The following AGBL1 variants were observed in gnomAD, a reference collection of about 807,000 sequenced individuals.
AGBL1 encodes AGBL carboxypeptidase 1, also known as cytosolic carboxypeptidase 4.
AGBL1 carries 130 observed loss-of-function variants against 118.9 expected under a neutral mutation model. The ratio of observed to expected loss-of-function variants is 1.09; its 90% CI spans 0.95 to 1.26. AGBL1 has a LOEUF of 1.26. Ranked by LOEUF, AGBL1 falls within the 50% of genes most tolerant of loss-of-function variation. The pLI, the probability that AGBL1 is intolerant of heterozygous loss-of-function variation, is 0.00. For synonymous variants in AGBL1, 555 were observed against 478.9 expected (o/e 1.16, Z -2.08); for missense variants, 1,584 against 1,298.1 (o/e 1.22, Z -3.38).
rs28415059 is a variant in AGBL1, at chr15:86,131,424, G to T, written c.52-10580G>T. Among the ~76,000 whole-genome samples, 395 of 152,014 alleles carry T rather than the reference G, an allele frequency of 2.6e-3. 2 individuals are homozygous for T. Among genetic ancestry groups the T allele is most frequent in the African/African-American group, 9.0e-3 (373 of 41,472 alleles). ...TTTCCACTAAATAAATACTAATTTG[G>T]CTATTTTACAATGTCCTATTTTTTT... On this transcript the variant is annotated intron_variant, in intron 1 of 22. Transcript: ENST00000614907.
At chr15:86,118,831 C>T (rs1430986374) in intron 1 of AGBL1, among the ~76,000 whole-genome samples, 1 of 152,218 alleles carries the variant, frequency 6.6e-6, no homozygotes, top group Non-Finnish European at 1.5e-5. Flanking sequence ...GTCAATTTCT[C>T]GTCTATTGTG....
chr15:86,163,239 C>A (rs747456295), intron 5 of AGBL1, among the ~76,000 whole-genome samples: 1 of 152,174 alleles, frequency 6.6e-6, no homozygotes. Context: ...GAGTTTGCGA[C>A]CAGCTTGGGC....
chr15:86,540,421 C>G (rs2083478290), intron 19 of AGBL1, among the ~76,000 whole-genome samples: 1 of 152,190 alleles, frequency 6.6e-6, no homozygotes, highest in African/African-American at 2.4e-5. Flanking sequence ...TGGCAAAATG[C>G]TGTCTCTACT....
intron 5 of AGBL1, among the ~76,000 whole-genome samples, chr15:86,204,012 C>T (rs1167898815): frequency 6.6e-6 from 1 of 152,140 alleles, no homozygotes; most frequent in African/African-American, 2.4e-5. Context: ...CTTTACATGA[C>T]ACTCCTAGAT....
At chr15:86,925,317 G>A (rs1234703049) in intron 23 of AGBL1, among the ~76,000 whole-genome samples, 1 of 152,092 alleles carries the variant, frequency 6.6e-6, no homozygotes, top group East Asian at 1.9e-4. Context: ...CTAATAATTT[G>A]CATCTCTTAG....
intron 22 of AGBL1, among the ~76,000 whole-genome samples, chr15:86,838,941 TAA>T (rs386383698): frequency 5.8e-4 from 28 of 48,002 alleles, no homozygotes; most frequent in African/African-American, 2.2e-3. Context: ...TGAGATCCTG[TAA>T]AAAAAAAAAA....
chr15:87,027,411 A>G (rs930656516), intron 24 of AGBL1, among the ~76,000 whole-genome samples: 2 of 151,836 alleles, frequency 1.3e-5, no homozygotes, highest in African/African-American at 2.4e-5. Flanking sequence ...CATTTGACCG[A>G]GCAATCTCAT....
chr15:86,840,093 A>G (rs544490624), intron 22 of AGBL1, among the ~76,000 whole-genome samples: 1 of 152,320 alleles, frequency 6.6e-6, no homozygotes, highest in African/African-American at 2.4e-5. Flanking sequence ...TATGCACAGT[A>G]TCTGTCAATA....
intron 3 of AGBL1, among the ~76,000 whole-genome samples, chr15:86,148,821 A>G (rs137856965): frequency 0.019 from 2,910 of 152,272 alleles, 43 homozygotes; most frequent in Non-Finnish European, 0.031. Flanking sequence ...AAGACACATA[A>G]TTGTCAGATT....
intron 17 of AGBL1, among the ~76,000 whole-genome samples, chr15:86,309,638 C>G (rs2079890916): frequency 1.3e-5 from 2 of 152,098 alleles, no homozygotes; most frequent in Non-Finnish European, 2.9e-5. Context: ...AATTTTATGG[C>G]ATTTTATGCA....
chr15:86,743,720 T>C (rs1391137730), intron 22 of AGBL1, among the ~76,000 whole-genome samples: 1 of 152,066 alleles, frequency 6.6e-6, no homozygotes, highest in Non-Finnish European at 1.5e-5. Flanking sequence ...ATGCGGATGA[T>C]CCCTGAAAAA....
At chr15:86,860,485 C>G (rs1334449578) in intron 22 of AGBL1, among the ~76,000 whole-genome samples, 1 of 151,708 alleles carries the variant, frequency 6.6e-6, no homozygotes, top group African/African-American at 2.4e-5. Context: ...TTCCTACCAG[C>G]TGAGAAGTGA....
intron 6 of AGBL1, among the ~76,000 whole-genome samples, chr15:86,231,706 G>A (rs922662722): frequency 6.6e-6 from 1 of 152,218 alleles, no homozygotes; most frequent in Non-Finnish European, 1.5e-5. Flanking sequence ...TTGGAAAGCT[G>A]AAGTAACTCA....
chr15:86,358,619 T>C (rs2080757390), intron 17 of AGBL1, among the ~76,000 whole-genome samples: 1 of 152,070 alleles, frequency 6.6e-6, no homozygotes, highest in Admixed American at 6.6e-5. Context: ...TTTTGCATAA[T>C]GGCTTTACCA....
intron 23 of AGBL1, among the ~76,000 whole-genome samples, chr15:86,936,395 A>T (rs946136747): frequency 2.6e-5 from 4 of 152,178 alleles, no homozygotes; most frequent in Non-Finnish European, 5.9e-5. Context: ...ACTGGCCATT[A>T]TCTGGTGTAT....
intron 21 of AGBL1, among the ~76,000 whole-genome samples, chr15:86,578,659 G>T (rs1054087237): frequency 6.6e-6 from 1 of 152,160 alleles, no homozygotes; most frequent in Non-Finnish European, 1.5e-5. Context: ...AATTGTGGGG[G>T]CAGGTTTTCC....
At chr15:86,285,596 C>T (rs1051802585) in intron 16 of AGBL1, among the ~76,000 whole-genome samples, 23 of 152,080 alleles carry the variant, frequency 1.5e-4, no homozygotes, top group Non-Finnish European at 2.5e-4. Context: ...TCTCCAGCCA[C>T]GTGGAACTGT....
intron 23 of AGBL1, among the ~76,000 whole-genome samples, chr15:86,933,810 A>T (rs1210806094): frequency 6.6e-6 from 1 of 152,212 alleles, no homozygotes; most frequent in Non-Finnish European, 1.5e-5. Context: ...GTCTTATGCA[A>T]TGCATATAAC....
intron 18 of AGBL1, among the ~76,000 whole-genome samples, chr15:86,429,568 T>C (rs912599315): frequency 6.6e-6 from 1 of 152,228 alleles, no homozygotes; most frequent in Non-Finnish European, 1.5e-5. Flanking sequence ...AAATGCCTCC[T>C]GGGACCGTAA....
Sources: allele counts gnomAD v4.1 joint callset (sites outside exome capture counted in the v4.1 genomes callset), GRCh38; gene constraint gnomAD v4.1.1; transcripts MANE v1.5; gene names NCBI Gene and HGNC (gene_info 2026-07-23, HGNC 2026-07-21).